DNAH10: variants seen among roughly 807,000 people sequenced by gnomAD.
DNAH10 encodes dynein axonemal heavy chain 10.
In DNAH10, 348 loss-of-function variants were observed where a neutral mutation model predicts 506.6. That is an observed-to-expected ratio of 0.69 (90% CI 0.63 to 0.75). The LOEUF (loss-of-function observed/expected upper bound fraction) is 0.75. DNAH10 is among the 30% of genes least tolerant of loss of function. The pLI is 0.00. For synonymous variants in DNAH10, 2,059 were observed against 2,198.6 expected (o/e 0.94, Z 1.78); for missense variants, 5,179 against 5,787.1 (o/e 0.89, Z 3.41).
chr12:123,870,268 CAGTACAAGCAACATT>C, intron 43 of DNAH10, 83 bp from the exon 44 acceptor site: 1 of 1,476,028 alleles, frequency 6.8e-7, no homozygotes, highest in Non-Finnish European at 9.1e-7. Flanking sequence ...GGCCTCCGTG[CAGTACAAGCAACATT>C]AGTTCATTTC....
chr12:123,934,444 CCACAGAGGGAAGGTGGG>C, intron 77 of DNAH10, 160 bp from the exon 78 acceptor site: 1 of 804,764 alleles, frequency 1.2e-6, no homozygotes, highest in Non-Finnish European at 2.1e-6. Context: ...GGCTGCTCCT[CCACAGAGGGAAGGTGGG>C]CAGGACAGAA....
chr12:123,838,021 C>A (rs1961360323), intron 28 of DNAH10, among the ~76,000 whole-genome samples: 1 of 152,114 alleles, frequency 6.6e-6, no homozygotes, highest in South Asian at 2.1e-4. Context: ...CTATTTCTTT[C>A]TTTTTCTGCT....
At chr12:123,856,809 A>G (rs1225637916) in intron 36 of DNAH10, among the ~76,000 whole-genome samples, 3 of 148,084 alleles carry the variant, frequency 2.0e-5, no homozygotes, top group Non-Finnish European at 4.5e-5. Flanking sequence ...TATATAATAC[A>G]TATATTCAGA....
At chr12:123,871,408 C>T in intron 44 of DNAH10, 49 bp from the exon 45 acceptor site, 1 of 1,561,908 alleles carries the variant, frequency 6.4e-7, no homozygotes. Flanking sequence ...CCCCAGTGCT[C>T]ACCCTATTGG....
chr12:123,809,384 G>C (rs11834875), intron 19 of DNAH10, among the ~76,000 whole-genome samples: 1 of 152,038 alleles, frequency 6.6e-6, no homozygotes, highest in Non-Finnish European at 1.5e-5. Flanking sequence ...AGTGGCTCAC[G>C]CCTGTTATCC....
At chr12:123,879,511 A>G (rs938988524) in intron 49 of DNAH10, 123 bp from the exon 50 acceptor site, 7 of 1,497,300 alleles carry the variant, frequency 4.7e-6, no homozygotes, top group Middle Eastern at 1.9e-4. Flanking sequence ...AGCGTCTTGC[A>G]GCAACTGAAA....
intron 78 of DNAH10, 72 bp downstream of exon 78, chr12:123,934,838 T>C: frequency 6.3e-7 from 1 of 1,579,220 alleles, no homozygotes; most frequent in Non-Finnish European, 8.6e-7. Flanking sequence ...GCTGAGGTGG[T>C]TTCCAACAGT....
intron 54 of DNAH10, among the ~76,000 whole-genome samples, chr12:123,896,154 G>T (rs79918970): frequency 0.014 from 873 of 63,982 alleles, 17 homozygotes; most frequent in East Asian, 0.029. Flanking sequence ...CACACAGAGA[G>T]AGAGAGAGAG....
Position 123,903,362 on chromosome 12 carries a change from G to A in DNAH10, c.9815+249G>A, listed in dbSNP as rs1164961823. Among the ~76,000 whole-genome samples the A allele has an allele frequency of 1.3e-5, 2 of 152,188 alleles. No homozygotes were observed. The highest frequency in any genetic ancestry group is 2.9e-5 in the Non-Finnish European group (2 of 68,026). On this transcript the variant is annotated intron_variant, in intron 57 of 78. Coordinates refer to ENST00000673944, the MANE Select transcript of DNAH10 (RefSeq NM_001372106.1). This position sits in a 1 kb window ranked among gnomAD's most constrained non-coding sequence, Gnocchi z 4.6. The stretch of plus-strand genomic sequence containing the variant: ...GTAGGAAGCAGGGCCTGCTGACCTT[G>A]AACCCAGGCCAAGGGAAGGATGGAG...
At chr12:123,935,303 G>A (rs556125470) in intron 78 of DNAH10, 32 bp from the exon 79 acceptor site, 28 of 1,590,724 alleles carry the variant, frequency 1.8e-5, no homozygotes, top group South Asian at 1.2e-4. Context: ...CCCTCTCTCC[G>A]TGGGGGCATC....
In DNAH10 at chr12:123,861,128, T is replaced by C. The variant is rs774839193; in HGVS notation, c.6866T>C (p.Ile2289Thr). Residue 2289 changes from isoleucine (I) to threonine (T), a missense_variant, in exon 39 of 79, where the codon ATC (isoleucine) becomes ACC (threonine). By Grantham distance (89) the Ile-to-Thr change is moderately conservative. Coordinates refer to ENST00000673944, the MANE Select transcript of DNAH10 (RefSeq NM_001372106.1). ...RDWTDGVLSN[I>T]FREINKPTDK... Reference sequence around the variant, plus strand: ...TGGACAGATGGGGTGTTGTCAAACATCTTCAGGGAAATCAACAAGCCAACA... The same window carrying C: ...TGGACAGATGGGGTGTTGTCAAACACCTTCAGGGAAATCAACAAGCCAACA... 5.0e-6 allele frequency: 8 copies of C among 1,613,704 alleles called. No homozygotes were observed. The South Asian group carries it at 7.7e-5, about 16-fold the overall frequency.
intron 37 of DNAH10, among the ~76,000 whole-genome samples, chr12:123,858,739 A>G (rs968166806): frequency 4.6e-5 from 7 of 152,056 alleles, no homozygotes; most frequent in Admixed American, 1.3e-4. Flanking sequence ...ATCCCATGGG[A>G]TATATTTTGG....
rs540262208 is a variant in DNAH10, at chr12:123,924,386, G to A, written c.11720G>A (p.Gly3907Glu). ...TCAGAAATGTTTTCAGACAACTTTG[G>A]GCAACTTCCTGATGATGTTGAGAAT... Reference protein sequence around the residue: ...LLSEMFSDNFGQLPDDVENNQ... With the variant: ...LLSEMFSDNFEQLPDDVENNQ... The change falls in exon 67 of 79, where the codon GGG becomes GAG. Residue 3907 changes from glycine to glutamate, a missense_variant. By Grantham distance (98) the Gly-to-Glu change is moderately conservative. Transcript: ENST00000673944. 2 of 1,613,604 alleles carry A rather than the reference G, an allele frequency of 1.2e-6. No individual in the cohort carries two copies. The highest frequency in any genetic ancestry group is 4.5e-5 in the East Asian group (2 of 44,868).
chr12:123,802,927 T>C (rs982730457), intron 16 of DNAH10, among the ~76,000 whole-genome samples: 5 of 152,144 alleles, frequency 3.3e-5, no homozygotes, highest in Non-Finnish European at 7.3e-5. Context: ...GATTGTTTGT[T>C]TTCTTTACTG....
At chr12:123,910,159 A>G (rs1311490648) in intron 58 of DNAH10, among the ~76,000 whole-genome samples, 2 of 152,208 alleles carry the variant, frequency 1.3e-5, no homozygotes, top group Admixed American at 1.3e-4. Flanking sequence ...CTGAATCTTC[A>G]TTGGATGGAC....
chr12:123,917,237 G>A lies in DNAH10; in HGVS notation c.11003-347G>A, dbSNP rs1281816929. Among the ~76,000 whole-genome samples, 1 of 152,044 alleles carries A rather than the reference G, an allele frequency of 6.6e-6. No homozygotes were observed. The highest frequency in any genetic ancestry group is 1.5e-5 in the Non-Finnish European group (1 of 68,020). ...GTGTTGTCTGGGCTCAAACTTCTGG[G>A]CTCAAGTGATCCTCCTGCCTCTGCC... On this transcript the variant is annotated intron_variant, in intron 63 of 78. Coordinates refer to ENST00000673944, the MANE Select transcript of DNAH10 (RefSeq NM_001372106.1). This position sits in a 1 kb window ranked among gnomAD's most constrained non-coding sequence, Gnocchi z 5.6.
intron 29 of DNAH10, among the ~76,000 whole-genome samples, chr12:123,838,952 C>G (rs1950667498): frequency 6.6e-6 from 1 of 152,188 alleles, no homozygotes; most frequent in South Asian, 2.1e-4. Context: ...GCTGGGACCA[C>G]AGGTGCACAC....
At chr12:123,830,812 G>C in intron 26 of DNAH10, 113 bp downstream of exon 26, 1 of 1,133,328 alleles carries the variant, frequency 8.8e-7, no homozygotes, top group South Asian at 2.0e-5. Context: ...GAGCGTGGTG[G>C]TATGCCATTA....
rs974996725 is a variant in DNAH10 at position 123,909,619 on chromosome 12, C to A, written c.9997+177C>A. Among the ~76,000 whole-genome samples, 1 of 152,208 alleles carries A rather than the reference C, an allele frequency of 6.6e-6. No individual in the cohort carries two copies. The highest frequency in any genetic ancestry group is 1.5e-5 in the Non-Finnish European group (1 of 68,038). ...CCAGAGGAAAACAGCAGCCCCATGA[C>A]GTGACCCAGGGAGAGTGGCTGGGGA... On this transcript the variant is annotated intron_variant, in intron 58 of 78. Coordinates refer to ENST00000673944, the MANE Select transcript of DNAH10 (RefSeq NM_001372106.1). This position sits in a 1 kb window ranked among gnomAD's most constrained non-coding sequence, Gnocchi z 5.4.
Sources: allele counts gnomAD v4.1 joint callset (sites outside exome capture counted in the v4.1 genomes callset), GRCh38; gene constraint gnomAD v4.1.1; non-coding constraint Gnocchi (gnomAD v3.1); transcripts MANE v1.5; gene names NCBI Gene and HGNC (gene_info 2026-07-23, HGNC 2026-07-21).